Variants in LEMD1 observed in about 807,000 individuals in gnomAD.
The protein encoded by LEMD1 is LEM domain-containing protein 1.
A neutral mutation model predicts 17.4 loss-of-function variants in LEMD1; 18 were observed. The ratio of observed to expected loss-of-function variants is 1.04; its 90% CI spans 0.72 to 1.54. LEMD1 has a LOEUF of 1.54. LEMD1 is among the 40% of genes most tolerant of loss of function. LEMD1 has a pLI of 0.00. For missense variants in LEMD1, 195 were observed against 210.4 expected (o/e 0.93, Z 0.45); for synonymous variants, 88 against 77.8 (o/e 1.13, Z -0.69).
At chr1:205,431,855 T>A (rs926635898) in intron 1 of LEMD1, among the ~76,000 whole-genome samples, 2 of 152,170 alleles carry the variant, frequency 1.3e-5, no homozygotes, top group African/African-American at 2.4e-5. Context: ...TAGCTGGGAC[T>A]ACAGGTGCGT....
rs61341380 is a variant in LEMD1 at position 205,389,037 on chromosome 1, C to CTTTTTTTTTTT, written c.271-4684_271-4674dup. On this transcript the variant is annotated intron_variant, in intron 4 of 5. Coordinates refer to ENST00000367153, the MANE Select transcript of LEMD1 (RefSeq NM_001199050.2). ...AATCACCAAAAAGTACATTTGCTTTCTTTTTTTTTTTTTTTTTTTTTTTTT... is the reference window on the plus strand; with the variant it reads ...AATCACCAAAAAGTACATTTGCTTTCTTTTTTTTTTTTTTTTTTTTTTTTTTTTTTTTTTTT... Among the ~76,000 whole-genome samples, 32 of 77,850 alleles carry CTTTTTTTTTTT rather than the reference C, an allele frequency of 4.1e-4. 1 individual carries two copies. The highest frequency in any genetic ancestry group is 5.4e-4 in the East Asian group (1 of 1,854). The allele number at this position is 77,850 out of a possible 152,430, so 51.1% of individuals were successfully genotyped here.
At chr1:205,430,239 C>G (rs557420999) in intron 1 of LEMD1, among the ~76,000 whole-genome samples, 2 of 152,342 alleles carry the variant, frequency 1.3e-5, no homozygotes, top group African/African-American at 4.8e-5. Context: ...GGCTTCAGGC[C>G]CGCCCAAGCG....
intron 4 of LEMD1, 73 bp from the exon 5 acceptor site, chr1:205,384,437 C>A: frequency 1.0e-6 from 1 of 999,520 alleles, no homozygotes; most frequent in Non-Finnish European, 1.4e-6. Flanking sequence ...GGTTTTTATT[C>A]TAGAAAAAGT....
chr1:205,409,774 A>ATT (rs113455474), intron 4 of LEMD1, among the ~76,000 whole-genome samples: 6 of 116,328 alleles, frequency 5.2e-5, no homozygotes, highest in African/African-American at 1.4e-4. Context: ...CAGTTAATTA[A>ATT]TTTTTTTTTT....
Position 205,420,375 on chromosome 1 carries a change from C to T in LEMD1, c.82+80G>A, listed in dbSNP as rs905933362. 1.3e-5 allele frequency: 14 copies of T among 1,054,630 alleles called. No individual in the cohort carries two copies. In the Admixed American group the frequency reaches 2.5e-4, roughly 19 times the overall value. The allele number at this position is 1,054,630 out of a possible 1,614,324, so 65.3% of individuals were successfully genotyped here. A position where few individuals can be genotyped will look rare whatever the true frequency, so the allele number is the denominator to read the frequency against. ...TCCTATTTCTATTTTAATGGCTTTACTGCATATGTTCCTTCTATTGTAAGT... is the reference window on the plus strand; with the variant it reads ...TCCTATTTCTATTTTAATGGCTTTATTGCATATGTTCCTTCTATTGTAAGT... On this transcript the variant is annotated intron_variant, in intron 2 of 5. Transcript: ENST00000367153.
At chr1:205,388,587 T>A (rs1664161220) in intron 4 of LEMD1, among the ~76,000 whole-genome samples, 1 of 152,218 alleles carries the variant, frequency 6.6e-6, no homozygotes, top group Non-Finnish European at 1.5e-5. Context: ...TTATTTGCCC[T>A]AGACAACACA....
At chr1:205,437,759 G>T (rs137925058) in intron 1 of LEMD1, 103 of 152,310 alleles carry the variant, frequency 6.8e-4, no homozygotes, top group African/African-American at 2.3e-3. Context: ...CCTATTTATA[G>T]TTGAGGAACC....
At chr1:205,424,668 G>A (rs185097754), upstream of LEMD1, among the ~76,000 whole-genome samples, 229 of 152,306 alleles carry the variant, frequency 1.5e-3, no homozygotes, top group Middle Eastern at 6.8e-3. Context: ...CTTCGAGGAT[G>A]AGCAACAGTT....
Position 205,448,444 on chromosome 1 carries a change from G to T in LEMD1, c.-39+1424C>A. 1 of 530,732 alleles carries T rather than the reference G, an allele frequency of 1.9e-6. No homozygotes were observed. The allele number at this position is 530,732 out of a possible 1,614,324, so 32.9% of individuals were successfully genotyped here. On this transcript the variant is annotated intron_variant, in intron 1 of 3. Transcript: ENST00000367154. The surrounding 1 kb of genome is among the most constrained non-coding windows in gnomAD (Gnocchi z 4.7). ...TCTCATAGGGAAGCGAGAAGCTGGG[G>T]CACCCGAGAAGCCCTCACTCCCCTT...
At chr1:205,443,528 G>C (rs1412910277) in intron 1 of LEMD1, among the ~76,000 whole-genome samples, 2 of 152,156 alleles carry the variant, frequency 1.3e-5, no homozygotes, top group Non-Finnish European at 2.9e-5. Flanking sequence ...CCAGGAGCTG[G>C]GCTAGGGGCT....
chr1:205,399,579 C>T (rs2102380073), intron 4 of LEMD1, among the ~76,000 whole-genome samples: 1 of 152,308 alleles, frequency 6.6e-6, no homozygotes, highest in Middle Eastern at 3.4e-3. Context: ...ATCAAGGCTC[C>T]TGGGGCAGGA....
chr1:205,410,710 T>G (rs981699623), intron 4 of LEMD1, among the ~76,000 whole-genome samples: 2 of 151,844 alleles, frequency 1.3e-5, no homozygotes, highest in African/African-American at 4.8e-5. Context: ...GGAGACTGAA[T>G]GAAAAAGTAG....
At chr1:205,422,183 C>G (rs190950808), upstream of LEMD1, 1 of 152,264 alleles carries the variant, frequency 6.6e-6, no homozygotes, top group East Asian at 1.9e-4. Flanking sequence ...TTAATTTAAC[C>G]AAAGTTCAAA....
intron 1 of LEMD1, among the ~76,000 whole-genome samples, chr1:205,430,579 T>G (rs533353419): frequency 1.3e-5 from 2 of 152,326 alleles, no homozygotes; most frequent in South Asian, 4.1e-4. Flanking sequence ...CCCATCACCG[T>G]GGAGAACCAG....
At chr1:205,437,362 A>C (rs57411289) in intron 1 of LEMD1, 6,919 of 152,580 alleles carry the variant, frequency 0.045, 195 homozygotes, top group Middle Eastern at 0.11. Context: ...GAAAGTGAGA[A>C]CGTACATAAG....
At chr1:205,398,612 G>A (rs749557886) in intron 4 of LEMD1, among the ~76,000 whole-genome samples, 1 of 152,210 alleles carries the variant, frequency 6.6e-6, no homozygotes, top group Non-Finnish European at 1.5e-5. Context: ...AAGAAAAGAG[G>A]CAGAAGGGAC....
chr1:205,419,790 A>G (rs1665878270), intron 2 of LEMD1, among the ~76,000 whole-genome samples: 1 of 152,172 alleles, frequency 6.6e-6, no homozygotes, highest in African/African-American at 2.4e-5. Flanking sequence ...TAAATGAGGT[A>G]GACTCATAGC....
chr1:205,416,595 G>A (rs1210969322), intron 3 of LEMD1, among the ~76,000 whole-genome samples: 2 of 152,134 alleles, frequency 1.3e-5, no homozygotes, highest in Non-Finnish European at 2.9e-5. Context: ...TTGTCCCTTT[G>A]AACCAGCTGT....
rs116178513 is a variant in LEMD1 at position 205,439,001 on chromosome 1, C to G, written c.-39+10867G>C. ...GCCTGTGTGGTCAGGACATAACACCCAATATCTCTGAGTCTCCGGGGATAC... is the reference window on the plus strand; with the variant it reads ...GCCTGTGTGGTCAGGACATAACACCGAATATCTCTGAGTCTCCGGGGATAC... On this transcript the variant is annotated intron_variant, in intron 1 of 3. Coordinates refer to the LEMD1 transcript ENST00000367154. 2.0e-3 allele frequency among the ~76,000 whole-genome samples: 300 copies of G among 152,326 alleles called. 1 individual carries two copies. Among genetic ancestry groups the G allele is most frequent in the African/African-American group, 6.9e-3 (286 of 41,572 alleles).
Sources: gnomAD v4.1 joint callset for allele counts (sites outside exome capture counted in the v4.1 genomes callset) on GRCh38, gnomAD v4.1.1 for gene constraint, Gnocchi (gnomAD v3.1) non-coding constraint, MANE v1.5 for transcripts, NCBI Gene and HGNC (gene_info 2026-07-23, HGNC 2026-07-21) for gene names.